Variants in SCN9A observed in about 807,000 individuals in gnomAD.
The protein encoded by SCN9A is sodium voltage-gated channel alpha subunit 9, also known as sodium channel protein type 9 subunit alpha.
Under a neutral mutation model 187.0 loss-of-function variants are expected in SCN9A, and 131 were observed. The ratio of observed to expected loss-of-function variants is 0.70; its 90% CI spans 0.61 to 0.81. SCN9A has a LOEUF of 0.81. Ranked by LOEUF, SCN9A falls within the 30% of genes least tolerant of loss-of-function variation. SCN9A has a pLI of 0.00. For synonymous variants in SCN9A, 809 were observed against 808.6 expected (o/e 1.00, Z -0.01); for missense variants, 2,252 against 2,396.6 (o/e 0.94, Z 1.26).
chr2:166,234,107 A>G (rs1053814057), intron 20 of SCN9A, among the ~76,000 whole-genome samples: 1 of 152,204 alleles, frequency 6.6e-6, no homozygotes, highest in African/African-American at 2.4e-5. Context: ...TAAGAGCTTC[A>G]TCATGTTAGA....
At chr2:166,212,633 A>T (rs542886085) in intron 24 of SCN9A, among the ~76,000 whole-genome samples, 1 of 152,344 alleles carries the variant, frequency 6.6e-6, no homozygotes, top group South Asian at 2.1e-4. Flanking sequence ...GCTATAGACC[A>T]AATGGATCAC....
intron 1 of SCN9A, among the ~76,000 whole-genome samples, chr2:166,370,208 A>ATC (rs1553507668): frequency 2.0e-5 from 2 of 97,928 alleles, no homozygotes; most frequent in Non-Finnish European, 4.0e-5. Context: ...TAATAATAAT[A>ATC]ATAATAATAA....
intron 1 of SCN9A, among the ~76,000 whole-genome samples, chr2:166,374,262 A>T (rs1192601773): frequency 6.6e-6 from 1 of 152,244 alleles, no homozygotes; most frequent in Non-Finnish European, 1.5e-5. Context: ...CCACAACTGC[A>T]CAGTGGCTTA....
At chr2:166,346,557 T>G (rs532596683) in intron 1 of SCN9A, among the ~76,000 whole-genome samples, 4 of 152,196 alleles carry the variant, frequency 2.6e-5, no homozygotes, top group African/African-American at 9.7e-5. Context: ...TGAGATGCTC[T>G]GCTCAAGCTG....
chr2:166,203,963 G>A lies in SCN9A; in HGVS notation c.4766C>T (p.Ser1589Phe). The A allele has an allele frequency of 1.9e-6, 3 of 1,567,364 alleles. No individual in the cohort carries two copies. The highest frequency in any genetic ancestry group is 1.4e-5 in the African/African-American group (1 of 73,870). ...AAAATAAATATTCTTACCTACAATGGAGATAATCACAACCACAAAATCAAA... is the reference window on the plus strand; with the variant it reads ...AAAATAAATATTCTTACCTACAATGAAGATAATCACAACCACAAAATCAAA... The part of the protein sequence containing the change: ...NIFDFVVVII[S>F]IVGMFLADLI... The change falls in exon 26 of 27, where the codon TCC becomes TTC. Residue 1589 changes from serine to phenylalanine, a missense_variant. Physicochemically the swap from Ser to Phe is radical, Grantham distance 155 (BLOSUM62 -2). Around this residue, in one of 7 missense-constraint regions of SCN9A, gnomAD observed 368 missense variants for 408.6 expected, o/e 0.90. Transcript: ENST00000642356.
At chr2:166,256,367 A>G (rs1164119767) in intron 17 of SCN9A, among the ~76,000 whole-genome samples, 3 of 151,276 alleles carry the variant, frequency 2.0e-5, no homozygotes, top group Non-Finnish European at 4.4e-5. Context: ...ATTTCTCAAG[A>G]TTCTTTTTAA....
At chr2:166,303,521 G>C (rs1466806058) in intron 6 of SCN9A, among the ~76,000 whole-genome samples, 3 of 152,008 alleles carry the variant, frequency 2.0e-5, no homozygotes, top group African/African-American at 7.2e-5. Flanking sequence ...AGAATACCTA[G>C]GTTGTCAAAA....
At position 166,222,939 on chromosome 2, in the gene SCN9A, A is replaced by C. The variant is rs1574747845; in HGVS notation, c.4398+3628T>G. ...GAGCGAAACTCCGTCTCAAAAAAAA[A>C]AACAACAAAAAAAAAAAAAAAAAAA... On this transcript the variant is annotated intron_variant, in intron 24 of 26. Transcript: ENST00000642356. Among the ~76,000 whole-genome samples the C allele has an allele frequency of 4.3e-3, 442 of 103,516 alleles. 11 individuals carry two copies. The highest frequency in any genetic ancestry group is 0.037 in the Admixed American group (419 of 11,366). The allele number at this position is 103,516 out of a possible 152,430, so 67.9% of individuals were successfully genotyped here.
chr2:166,366,357 C>CT (rs1049852841), intron 1 of SCN9A, among the ~76,000 whole-genome samples: 1 of 152,108 alleles, frequency 6.6e-6, no homozygotes, highest in Non-Finnish European at 1.5e-5. Context: ...AGATTTCCTT[C>CT]TTTTTTTAAG....
chr2:166,304,461 T>C, intron 5 of SCN9A, 132 bp from the exon 6 acceptor site: 1 of 703,594 alleles, frequency 1.4e-6, no homozygotes, highest in Non-Finnish European at 2.3e-6. Flanking sequence ...TTTTTTGCTA[T>C]CATAACTAAC....
intron 1 of SCN9A, among the ~76,000 whole-genome samples, chr2:166,362,104 G>A (rs1700299426): frequency 6.6e-6 from 1 of 152,068 alleles, no homozygotes; most frequent in African/African-American, 2.4e-5. Flanking sequence ...TGAAGACATT[G>A]TTTGAGAATC....
intron 1 of SCN9A, among the ~76,000 whole-genome samples, chr2:166,367,455 G>A (rs1183425341): frequency 6.6e-6 from 1 of 151,910 alleles, no homozygotes; most frequent in Non-Finnish European, 1.5e-5. Context: ...TAGTAGAGAT[G>A]GGGTTTCACT....
In SCN9A at chr2:166,356,670, A is replaced by G. The variant is rs116268225; in HGVS notation, c.-51+19027T>C. On this transcript the variant is annotated intron_variant, in intron 1 of 26. Transcript: ENST00000642356. ...CTTGTGTATCCATCCATGTGGTTTTATCAGCATGTATACATCTATTCATTT... is the reference window on the plus strand; with the variant it reads ...CTTGTGTATCCATCCATGTGGTTTTGTCAGCATGTATACATCTATTCATTT... Among the ~76,000 whole-genome samples the G allele has an allele frequency of 9.8e-4, 149 of 152,336 alleles. 1 individual carries two copies. Among genetic ancestry groups the G allele is most frequent in the African/African-American group, 3.1e-3 (128 of 41,582 alleles).
intron 16 of SCN9A, among the ~76,000 whole-genome samples, chr2:166,274,478 A>G (rs535065341): frequency 2.2e-4 from 34 of 152,274 alleles, no homozygotes; most frequent in Non-Finnish European, 4.3e-4. Context: ...TTAACTGGCA[A>G]TAAAATGATC....
chr2:166,292,795 A>C (rs1032060026), intron 9 of SCN9A, among the ~76,000 whole-genome samples: 1 of 152,130 alleles, frequency 6.6e-6, no homozygotes, highest in African/African-American at 2.4e-5. Context: ...GGGAGAGAAA[A>C]ACTTAGAGAA....
At position 166,373,146 on chromosome 2, in the gene SCN9A, C is replaced by A. The variant is rs374116302; in HGVS notation, c.-51+2551G>T. 5.9e-5 allele frequency among the ~76,000 whole-genome samples: 9 copies of A among 152,256 alleles called. No individual in the cohort carries two copies. The East Asian group carries it at 1.2e-3, about 20-fold the overall frequency. On this transcript the variant is annotated intron_variant, in intron 1 of 26. Coordinates refer to ENST00000642356, the MANE Select transcript of SCN9A (RefSeq NM_001365536.1). ...GCTATTGTTTCATGTGTTTTAGCCACGACCTGGGCAGGAGCACCTTAATGA... is the reference window on the plus strand; with the variant it reads ...GCTATTGTTTCATGTGTTTTAGCCAAGACCTGGGCAGGAGCACCTTAATGA...
chr2:166,268,744 CTTCA>C (rs1180612791), intron 17 of SCN9A, among the ~76,000 whole-genome samples: 2 of 151,900 alleles, frequency 1.3e-5, no homozygotes, highest in East Asian at 3.9e-4. Flanking sequence ...GATCTTGAAC[CTTCA>C]TTATTTCTCA....
chr2:166,327,554 T>C (rs550404028), intron 1 of SCN9A, among the ~76,000 whole-genome samples: 15 of 152,290 alleles, frequency 9.8e-5, no homozygotes, highest in African/African-American at 3.6e-4. Flanking sequence ...TTATTATATT[T>C]AGGGATTTCA....
At chr2:166,229,475 G>A (rs189974059) in intron 21 of SCN9A, among the ~76,000 whole-genome samples, 18 of 152,066 alleles carry the variant, frequency 1.2e-4, no homozygotes, top group African/African-American at 4.3e-4. Flanking sequence ...ATATCAGGTA[G>A]GTGGAATTAT....
Sources: gnomAD v4.1 joint callset for allele counts (sites outside exome capture counted in the v4.1 genomes callset) on GRCh38, gnomAD v4.1.1 for gene constraint, gnomAD v4.1.1 regional missense constraint, MANE v1.5 for transcripts, NCBI Gene and HGNC (gene_info 2026-07-23, HGNC 2026-07-21) for gene names.